COL4A6: variants seen among roughly 807,000 people sequenced by gnomAD.
The protein encoded by COL4A6 is collagen type IV alpha 6 chain.
In COL4A6, 59 loss-of-function variants were observed where a neutral mutation model predicts 126.7. That is an observed-to-expected ratio of 0.47 (90% CI 0.38 to 0.58). The LOEUF is 0.58. COL4A6 is among the 20% of genes least tolerant of loss of function. COL4A6 has a pLI of 0.00. For synonymous variants in COL4A6, 547 were observed against 496.6 expected, an observed-to-expected ratio of 1.10 and a Z score of -1.35; for missense variants, 1,285 against 1,337.3, an observed-to-expected ratio of 0.96 and a Z score of 0.61.
At chrX:108,222,757 G>A (rs2036053746) in intron 3 of COL4A6, among the ~76,000 whole-genome samples, 1 of 112,013 alleles carries the variant, frequency 8.9e-6, no homozygotes, top group Admixed American at 9.5e-5. Context: ...TTCTGGGAAT[G>A]ATGGGGGTGG....
chrX:108,262,664 G>A (rs2037196524), intron 3 of COL4A6, among the ~76,000 whole-genome samples: 1 of 111,191 alleles, frequency 9.0e-6, no homozygotes, highest in South Asian at 3.8e-4. Context: ...ACTAATGTGA[G>A]GCAAATAAAC....
intron 3 of COL4A6, among the ~76,000 whole-genome samples, chrX:108,258,299 A>G (rs2037060861): frequency 8.9e-6 from 1 of 111,994 alleles, no homozygotes; most frequent in Admixed American, 9.4e-5. Context: ...CTTTTCTGTC[A>G]AAGAAACCTG....
intron 31 of COL4A6, among the ~76,000 whole-genome samples, chrX:108,173,461 GGTGT>G (rs56782024): frequency 0.037 from 3,763 of 101,024 alleles, 93 homozygotes; most frequent in East Asian, 0.13. Context: ...AATTGCTTCA[GGTGT>G]GTGTGTGTGT....
Position 108,163,006 on chromosome X carries a change from T to C in COL4A6, c.4102A>G (p.Thr1368Ala). 8.3e-7 allele frequency: 1 copy of C among 1,199,431 alleles called. No homozygotes were observed. Among genetic ancestry groups the C allele is most frequent in the South Asian group, 1.8e-5 (1 of 54,677 alleles). The change falls in exon 41 of 45, where the codon ACA (threonine) becomes GCA (alanine). Residue 1368 changes from threonine to alanine, a missense_variant. Thr to Ala is a moderately conservative substitution (Grantham distance 58). Coordinates refer to ENST00000334504, the MANE Select transcript of COL4A6 (RefSeq NM_033641.4). ...SSGLQGDPGQ[T>A]PTAEAVQVPP... ...ACCTGGACAGCTTCTGCAGTTGGTGTTTGTCCAGGATCACCTTGGAGGCCA... is the reference window on the plus strand; with the variant it reads ...ACCTGGACAGCTTCTGCAGTTGGTGCTTGTCCAGGATCACCTTGGAGGCCA...
intron 3 of COL4A6, among the ~76,000 whole-genome samples, chrX:108,277,952 T>A (rs1469776862): frequency 8.9e-6 from 1 of 111,830 alleles, no homozygotes; most frequent in African/African-American, 3.3e-5. Context: ...GAAGGAAAAC[T>A]AACAAACAGA....
In COL4A6 at chrX:108,370,764, G is replaced by A. The variant is rs189535377; in HGVS notation, c.64-59936C>T. On this transcript the variant is annotated intron_variant, in intron 2 of 44. Transcript: ENST00000334504. ...AGAGATTCCTGAACACCCTTCTAAG[G>A]ATTAGAGGTGGAGAAATTAAAGCTC... 8.1e-5 allele frequency among the ~76,000 whole-genome samples: 9 copies of A among 111,506 alleles called. No homozygotes were observed. In the East Asian group the frequency reaches 2.3e-3, roughly 28 times the overall value.
intron 2 of COL4A6, among the ~76,000 whole-genome samples, chrX:108,336,274 T>A (rs768825716): frequency 1.3e-4 from 15 of 111,598 alleles, no homozygotes; most frequent in African/African-American, 4.2e-4. Flanking sequence ...ATGTGGTATA[T>A]CCATACAATG....
chrX:108,431,484 T>C, intron 2 of COL4A6, among the ~76,000 whole-genome samples: 1 of 112,062 alleles, frequency 8.9e-6, no homozygotes, highest in Non-Finnish European at 1.9e-5. Context: ...GTGTTTTTGG[T>C]CGCAGATGGG....
chrX:108,238,402 C>A (rs923845557), intron 3 of COL4A6, among the ~76,000 whole-genome samples: 1 of 109,117 alleles, frequency 9.2e-6, no homozygotes, highest in African/African-American at 3.3e-5. Flanking sequence ...TCACCACACC[C>A]GGGCGTGTGT....
intron 3 of COL4A6, among the ~76,000 whole-genome samples, chrX:108,251,601 C>T (rs1218055829): frequency 8.9e-6 from 1 of 111,916 alleles, no homozygotes; most frequent in Non-Finnish European, 1.9e-5. Context: ...ACATTTACTG[C>T]CTCTGTAGAT....
At chrX:108,164,220 C>T (rs909125309) in intron 40 of COL4A6, among the ~76,000 whole-genome samples, 1 of 111,562 alleles carries the variant, frequency 9.0e-6, no homozygotes, top group Non-Finnish European at 1.9e-5. Flanking sequence ...AGGTACAAGC[C>T]TCAGGGCTTG....
At chrX:108,290,982 C>G (rs1356820213) in intron 3 of COL4A6, among the ~76,000 whole-genome samples, 1 of 112,319 alleles carries the variant, frequency 8.9e-6, no homozygotes, top group Non-Finnish European at 1.9e-5. Flanking sequence ...CCAATTCATT[C>G]CAGTTTGCCT....
intron 18 of COL4A6, 133 bp downstream of exon 18, chrX:108,192,340 C>T: frequency 2.3e-6 from 1 of 441,345 alleles, no homozygotes; most frequent in South Asian, 4.7e-5. Flanking sequence ...AGTCGGGAAC[C>T]TACTGACTAC....
rs1469459003 is a variant in COL4A6, at chrX:108,382,258, T to C, written c.63+55684A>G. 2.7e-5 allele frequency among the ~76,000 whole-genome samples: 3 copies of C among 112,274 alleles called. No individual in the cohort carries two copies. In the East Asian group the frequency reaches 8.3e-4, roughly 31 times the overall value. ...AGGATTTTCATCCTGGATTTGTCTC[T>C]TACTTGCTATGTGACCTTTGGAAAG... On this transcript the variant is annotated intron_variant, in intron 2 of 44. Coordinates refer to ENST00000334504, the MANE Select transcript of COL4A6 (RefSeq NM_033641.4).
chrX:108,417,009 C>G (rs1393736704), intron 2 of COL4A6, among the ~76,000 whole-genome samples: 1 of 112,392 alleles, frequency 8.9e-6, no homozygotes, highest in Non-Finnish European at 1.9e-5. Context: ...ACTTAATACT[C>G]TATTTTCCTT....
intron 3 of COL4A6, among the ~76,000 whole-genome samples, chrX:108,270,802 A>C (rs754630973): frequency 2.7e-4 from 30 of 111,726 alleles, no homozygotes; most frequent in African/African-American, 8.8e-4. Flanking sequence ...TGCTAAAGTA[A>C]AGTAGAATTA....
At chrX:108,404,633 T>C (rs1178452702) in intron 2 of COL4A6, among the ~76,000 whole-genome samples, 1 of 112,101 alleles carries the variant, frequency 8.9e-6, no homozygotes, top group Non-Finnish European at 1.9e-5. Context: ...ACTGTTCATC[T>C]CATCATATCC....
chrX:108,425,639 CAGG>C (rs2064066970), intron 2 of COL4A6, among the ~76,000 whole-genome samples: 1 of 108,616 alleles, frequency 9.2e-6, no homozygotes, highest in Admixed American at 9.9e-5. Context: ...GAGGCTGAGG[CAGG>C]AGAAGAGCTT....
At chrX:108,363,327 C>T (rs2040129601) in intron 2 of COL4A6, among the ~76,000 whole-genome samples, 1 of 111,989 alleles carries the variant, frequency 8.9e-6, no homozygotes, top group African/African-American at 3.2e-5. Flanking sequence ...TATATGTGGA[C>T]CTCTTCAGAG....
Sources: gnomAD v4.1 joint callset for allele counts (sites outside exome capture counted in the v4.1 genomes callset) on GRCh38, gnomAD v4.1.1 for gene constraint, MANE v1.5 for transcripts, NCBI Gene and HGNC (gene_info 2026-07-23, HGNC 2026-07-21) for gene names.